Variants in ARHGAP10 observed in about 807,000 individuals in gnomAD.
ARHGAP10 encodes Rho GTPase activating protein 10.
In ARHGAP10, 87 loss-of-function variants were observed where a neutral mutation model predicts 108.6. The ratio of observed to expected loss-of-function variants is 0.80; its 90% CI spans 0.67 to 0.96. The LOEUF (loss-of-function observed/expected upper bound fraction) is 0.96. Ranked by LOEUF, ARHGAP10 falls within the 40% of genes least tolerant of loss-of-function variation. The pLI is 0.00. For synonymous variants in ARHGAP10, 347 were observed against 341.1 expected (o/e 1.02, Z -0.19); for missense variants, 939 against 954.5 (o/e 0.98, Z 0.21).
In ARHGAP10 at chr4:147,864,896, C is replaced by T. The variant is rs530272523; in HGVS notation, c.537C>T (p.Leu179=). ...GGCAACACTTCTATGAACTGTCTCT[C>T]GAGTATGTGTGTAAGCTGCAGGAAA... ...QNRQHFYELS[L]EYVCKLQEIQ... is the part of the protein sequence containing the mutation. The change falls in exon 6 of 23, where the codon CTC becomes CTT. Residue 179 remains leucine, a synonymous_variant. Transcript: ENST00000336498. The T allele has an allele frequency of 7.4e-6, 12 of 1,613,964 alleles. No individual in the cohort carries two copies. In the South Asian group the frequency reaches 7.7e-5, roughly 10 times the overall value.
chr4:147,919,745 A>T (rs1737157689), intron 13 of ARHGAP10, among the ~76,000 whole-genome samples: 1 of 151,670 alleles, frequency 6.6e-6, no homozygotes, highest in Admixed American at 6.6e-5. Flanking sequence ...TACCCAGCTA[A>T]TTTTTTTGTA....
chr4:148,065,979 CAAAAA>C (rs34551897), intron 22 of ARHGAP10, among the ~76,000 whole-genome samples: 1 of 98,594 alleles, frequency 1.0e-5, no homozygotes, highest in Non-Finnish European at 1.9e-5. Context: ...GACCCCATCT[CAAAAA>C]AAAAAAAAAA....
rs533286326 is a variant in ARHGAP10, at chr4:148,004,609, G to A, written c.1717-18654G>A. 1.6e-4 allele frequency among the ~76,000 whole-genome samples: 25 copies of A among 152,310 alleles called. No individual in the cohort carries two copies. The South Asian group carries it at 1.7e-3, about 10-fold the overall frequency. ...GGAGAGGGCCACGTGGCAGGAAACC[G>A]CAGGCATCCTCTAGGAGCTGAGGCA... On this transcript the variant is annotated intron_variant, in intron 18 of 22. Transcript: ENST00000336498.
At chr4:148,012,804 T>C (rs1209855670) in intron 18 of ARHGAP10, among the ~76,000 whole-genome samples, 1 of 152,176 alleles carries the variant, frequency 6.6e-6, no homozygotes, top group Non-Finnish European at 1.5e-5. Flanking sequence ...GTATTAAATA[T>C]ATTGACTGTT....
intron 8 of ARHGAP10, among the ~76,000 whole-genome samples, chr4:147,876,669 T>C (rs935078302): frequency 9.2e-5 from 14 of 152,198 alleles, no homozygotes; most frequent in African/African-American, 2.9e-4. Context: ...TTGTATTATA[T>C]GCCCAAGTGA....
chr4:147,820,517 C>G (rs1230773182), intron 1 of ARHGAP10, among the ~76,000 whole-genome samples: 3 of 150,742 alleles, frequency 2.0e-5, no homozygotes, highest in Non-Finnish European at 4.4e-5. Flanking sequence ...ACCTCCTGAC[C>G]TCAGGTGATC....
chr4:147,766,934 C>T (rs149223822), intron 1 of ARHGAP10, among the ~76,000 whole-genome samples: 3,416 of 150,748 alleles, frequency 0.023, 60 homozygotes, highest in Middle Eastern at 0.048. Context: ...CTGCATCCTC[C>T]GCCTCCCAGA....
intron 7 of ARHGAP10, among the ~76,000 whole-genome samples, chr4:147,869,750 A>G (rs1316042664): frequency 1.3e-5 from 2 of 151,938 alleles, no homozygotes; most frequent in Admixed American, 1.3e-4. Flanking sequence ...CACCTTCAGT[A>G]TTGAGAACAC....
chr4:148,060,345 G>C (rs10027275), intron 20 of ARHGAP10, among the ~76,000 whole-genome samples: 75,442 of 135,426 alleles, frequency 0.56, 21,722 homozygotes, highest in East Asian at 0.82. Flanking sequence ...CTCATGTTTA[G>C]TTTTTTTTTT....
At chr4:147,985,662 T>A (rs1252500833) in intron 18 of ARHGAP10, among the ~76,000 whole-genome samples, 1 of 152,246 alleles carries the variant, frequency 6.6e-6, no homozygotes, top group Non-Finnish European at 1.5e-5. Context: ...ATGACCACAC[T>A]GCCAAATTGC....
intron 16 of ARHGAP10, among the ~76,000 whole-genome samples, chr4:147,957,618 T>G (rs1173715706): frequency 6.6e-6 from 1 of 152,194 alleles, no homozygotes; most frequent in East Asian, 1.9e-4. Flanking sequence ...TGAAAACTAA[T>G]TTTTGATTCT....
chr4:147,762,843 T>G, intron 1 of ARHGAP10, among the ~76,000 whole-genome samples: 1 of 152,072 alleles, frequency 6.6e-6, no homozygotes, highest in Admixed American at 6.6e-5. Flanking sequence ...TTTTTATTTT[T>G]TAACTTGACT....
chr4:147,873,133 A>G (rs1265884295), intron 7 of ARHGAP10, among the ~76,000 whole-genome samples: 1 of 152,198 alleles, frequency 6.6e-6, no homozygotes, highest in Non-Finnish European at 1.5e-5. Flanking sequence ...CCAAATATTA[A>G]ATACCCTCCA....
intron 16 of ARHGAP10, among the ~76,000 whole-genome samples, chr4:147,955,723 A>T (rs1419484569): frequency 6.6e-6 from 1 of 152,162 alleles, no homozygotes; most frequent in Admixed American, 6.6e-5. Context: ...GAGGGAACAC[A>T]GAAGTATTTA....
At chr4:148,048,491 A>G (rs1441375236) in intron 20 of ARHGAP10, among the ~76,000 whole-genome samples, 2 of 152,190 alleles carry the variant, frequency 1.3e-5, no homozygotes, top group African/African-American at 4.8e-5. Context: ...ATTACTAGGT[A>G]TGCTTGTCAC....
At chr4:147,837,641 C>CTTTTTT (rs1355564479) in intron 3 of ARHGAP10, among the ~76,000 whole-genome samples, 3 of 14,728 alleles carry the variant, frequency 2.0e-4, no homozygotes, top group Non-Finnish European at 4.4e-4. Context: ...TCTCTGGTCA[C>CTTTTTT]TGTTTTTTTT....
chr4:147,897,075 A>C (rs1258140317), intron 10 of ARHGAP10, among the ~76,000 whole-genome samples: 1 of 152,080 alleles, frequency 6.6e-6, no homozygotes, highest in African/African-American at 2.4e-5. Flanking sequence ...TCTAACAGTA[A>C]TATAGCTACA....
In ARHGAP10 at chr4:147,984,772, C is replaced by T. The variant is rs140025332; in HGVS notation, c.1716+17933C>T. ...AAGTGGCTTTTGGGTTAAGAGCCAG[C>T]TGTGGCCAATATAGTTGAGTAGAAA... is the stretch of plus-strand genomic sequence containing the variant. On this transcript the variant is annotated intron_variant, in intron 18 of 22. Coordinates refer to ENST00000336498, the MANE Select transcript of ARHGAP10 (RefSeq NM_024605.4). Among the ~76,000 whole-genome samples the T allele has an allele frequency of 4.6e-3, 705 of 152,340 alleles. 8 individuals are homozygous for T. Among genetic ancestry groups the T allele is most frequent in the East Asian group, 0.025 (128 of 5,186 alleles).
At chr4:147,793,166 GTGTGTGTGTGTGTGCATATA>G (rs1215390125) in intron 1 of ARHGAP10, among the ~76,000 whole-genome samples, 2 of 150,890 alleles carry the variant, frequency 1.3e-5, no homozygotes, top group East Asian at 1.9e-4. Context: ...GTGTATGTAT[GTGTGTGTGTGTGTGCATATA>G]TGTGTGTGTG....
Sources: gnomAD v4.1 joint callset for allele counts (sites outside exome capture counted in the v4.1 genomes callset) on GRCh38, gnomAD v4.1.1 for gene constraint, MANE v1.5 for transcripts, NCBI Gene and HGNC (gene_info 2026-07-23, HGNC 2026-07-21) for gene names.